MSR1: variants seen among roughly 807,000 people sequenced by gnomAD.
The protein encoded by MSR1 is macrophage scavenger receptor 1.
In MSR1, 53 loss-of-function variants were observed where a neutral mutation model predicts 47.2. The observed-to-expected ratio is 1.12, with a 90% CI of 0.90 to 1.41. The LOEUF (loss-of-function observed/expected upper bound fraction) is 1.41. Ranked by LOEUF, MSR1 falls within the 40% of genes most tolerant of loss-of-function variation. The pLI is 0.00. For missense variants in MSR1, 786 were observed against 546.9 expected, an observed-to-expected ratio of 1.44 and a Z score of -4.36; for synonymous variants, 239 against 185.6, an observed-to-expected ratio of 1.29 and a Z score of -2.34.
At chr8:16,157,138 G>A (rs150040760) in intron 5 of MSR1, among the ~76,000 whole-genome samples, 11 of 151,982 alleles carry the variant, frequency 7.2e-5, no homozygotes, top group Non-Finnish European at 1.5e-4. Flanking sequence ...GCAAGACGCA[G>A]ACATTCCAGG....
chr8:16,192,073 A>G (rs1802214835), intron 1 of MSR1, among the ~76,000 whole-genome samples: 1 of 152,154 alleles, frequency 6.6e-6, no homozygotes, highest in Non-Finnish European at 1.5e-5. Context: ...CGGAGCACAA[A>G]AAGAACTATA....
chr8:16,158,235 A>G (rs73665233), intron 5 of MSR1, among the ~76,000 whole-genome samples: 6,496 of 152,074 alleles, frequency 0.043, 504 homozygotes, highest in African/African-American at 0.15. Flanking sequence ...CATAAATACT[A>G]TCACAATAAT....
chr8:16,177,713 C>A (rs891952681), intron 2 of MSR1, among the ~76,000 whole-genome samples, 173 bp downstream of exon 2: 8 of 152,076 alleles, frequency 5.3e-5, no homozygotes, highest in Admixed American at 4.6e-4. Flanking sequence ...TATAATACTG[C>A]CTTACTTTTA....
At chr8:16,172,564 G>T (rs965472209) in intron 3 of MSR1, among the ~76,000 whole-genome samples, 1 of 152,016 alleles carries the variant, frequency 6.6e-6, no homozygotes, top group Admixed American at 6.6e-5. Flanking sequence ...TACGGACAGG[G>T]TTATATTTGA....
intron 8 of MSR1, chr8:16,120,849 T>A (rs1799988163): frequency 1.9e-6 from 1 of 539,454 alleles, no homozygotes. Flanking sequence ...ACATGTAAGT[T>A]ATATATACGA....
chr8:16,147,003 A>G (rs1481821177), intron 7 of MSR1, among the ~76,000 whole-genome samples: 16 of 152,176 alleles, frequency 1.1e-4, no homozygotes, highest in Non-Finnish European at 1.8e-4. Flanking sequence ...GAAAATGACC[A>G]TAACTTACCC....
At chr8:16,137,147 G>C (rs939931634) in intron 8 of MSR1, among the ~76,000 whole-genome samples, 4 of 152,078 alleles carry the variant, frequency 2.6e-5, no homozygotes, top group Admixed American at 6.6e-5. Context: ...AATATTAACA[G>C]GTAGCTCTTC....
At chr8:16,173,812 C>A (rs1277225595) in intron 3 of MSR1, among the ~76,000 whole-genome samples, 1 of 152,026 alleles carries the variant, frequency 6.6e-6, no homozygotes, top group African/African-American at 2.4e-5. Flanking sequence ...CCACTCCTGG[C>A]TAATTTTTTT....
At chr8:16,153,205 G>T (rs1166489868) in intron 6 of MSR1, among the ~76,000 whole-genome samples, 1 of 151,988 alleles carries the variant, frequency 6.6e-6, no homozygotes, top group African/African-American at 2.4e-5. Context: ...AACCTGCTCA[G>T]ATTAGAAAGC....
At chr8:16,182,253 G>A (rs1053740679) in intron 1 of MSR1, among the ~76,000 whole-genome samples, 2 of 152,124 alleles carry the variant, frequency 1.3e-5, no homozygotes. Context: ...ACCTGTACAG[G>A]GCAATTGGAT....
intron 8 of MSR1, among the ~76,000 whole-genome samples, chr8:16,123,028 G>T (rs886797898): frequency 6.6e-6 from 1 of 151,652 alleles, no homozygotes; most frequent in African/African-American, 2.4e-5. Context: ...GTATTTTTTA[G>T]TACAGACGGG....
At chr8:16,113,569 A>C (rs899766922) in intron 9 of MSR1, among the ~76,000 whole-genome samples, 2 of 152,214 alleles carry the variant, frequency 1.3e-5, no homozygotes, top group Non-Finnish European at 2.9e-5. Flanking sequence ...AACAATGTAA[A>C]TTAAAGTTGA....
At chr8:16,171,011 G>C (rs1433902002) in intron 3 of MSR1, among the ~76,000 whole-genome samples, 5 of 151,632 alleles carry the variant, frequency 3.3e-5, no homozygotes, top group African/African-American at 1.2e-4. Flanking sequence ...ATCACCTGAG[G>C]TCAGGAGTTC....
rs781520473 is a variant in MSR1, at chr8:16,168,673, CTG to C, written c.413_414del (p.Thr138ArgfsTer11). 6.2e-7 allele frequency: 1 copy of C among 1,614,138 alleles called. No individual in the cohort carries two copies. Among genetic ancestry groups the C allele is most frequent in the South Asian group, 1.1e-5 (1 of 91,080 alleles). On this transcript the variant is annotated frameshift_variant, in exon 4 of 10. Transcript: ENST00000262101. LOFTEE classifies it high-confidence loss of function. ...GTCATGCTGAAATTTTGGAAATGCT[CTG>C]TGTCCATGAGGTTGGCTTCCATGTC... The part of the protein sequence containing the change: ...ILDMEANLMD[T>X]EHFQNFSMTT...
chr8:16,110,094 G>T lies in MSR1; in HGVS notation c.1347C>A (p.Cys449Ter). 6.2e-7 allele frequency: 1 copy of T among 1,613,506 alleles called. No individual in the cohort carries two copies. Among genetic ancestry groups the T allele is most frequent in the Non-Finnish European group, 8.5e-7 (1 of 1,179,626 alleles). ...CSHSEDAGVT[C>*]TL is the part of the protein sequence containing the mutation. Reference sequence around the variant, plus strand: ...ATGAAAATATGATGCATTATAAAGTGCAAGTGACTCCAGCATCTTCAGAAT... The same window carrying T: ...ATGAAAATATGATGCATTATAAAGTTCAAGTGACTCCAGCATCTTCAGAAT... The change falls in exon 10 of 10, where the codon TGC (cysteine) becomes TGA (stop). Residue 449 changes from cysteine to a stop codon, truncating the protein, a stop_gained. Transcript: ENST00000262101. LOFTEE classifies it high-confidence loss of function.
intron 8 of MSR1, among the ~76,000 whole-genome samples, chr8:16,127,217 G>A (rs963819042): frequency 2.6e-5 from 4 of 152,090 alleles, no homozygotes; most frequent in Non-Finnish European, 5.9e-5. Context: ...GTCATGTCCA[G>A]GCATCTTTAT....
chr8:16,179,457 G>A (rs1044786002), intron 1 of MSR1, among the ~76,000 whole-genome samples: 8 of 152,080 alleles, frequency 5.3e-5, no homozygotes, highest in African/African-American at 9.7e-5. Flanking sequence ...TTGTCATTGC[G>A]AACTGCCAAA....
chr8:16,185,204 T>A (rs3789015), intron 1 of MSR1, among the ~76,000 whole-genome samples: 1 of 152,178 alleles, frequency 6.6e-6, no homozygotes, highest in African/African-American at 2.4e-5. Context: ...GCCATAGGAT[T>A]TGTGGCATTT....
chr8:16,120,508 G>GAA lies in MSR1; in HGVS notation c.1131_1132insTT (p.Arg378PhefsTer38), dbSNP rs765877605. The GAA allele has an allele frequency of 1.2e-6, 2 of 1,613,154 alleles. No individual in the cohort carries two copies. Among genetic ancestry groups the GAA allele is most frequent in the Admixed American group, 1.7e-5 (1 of 59,908 alleles). On this transcript the variant is annotated frameshift_variant, in exon 9 of 10. Transcript: ENST00000262101. LOFTEE classifies it high-confidence loss of function. ...ACCTGTCCAACGCGCACTTCCCAGCGATCGTCACAAATTGTACCCCACTGG... is the reference window on the plus strand; with the variant it reads ...ACCTGTCCAACGCGCACTTCCCAGCGAAATCGTCACAAATTGTACCCCACTGG...
Sources: gnomAD v4.1 joint callset for allele counts (sites outside exome capture counted in the v4.1 genomes callset) on GRCh38, gnomAD v4.1.1 for gene constraint, MANE v1.5 for transcripts, NCBI Gene and HGNC (gene_info 2026-07-23, HGNC 2026-07-21) for gene names.